CEP72: variants seen among roughly 807,000 people sequenced by gnomAD.
CEP72 encodes centrosomal protein 72.
A neutral mutation model predicts 65.7 loss-of-function variants in CEP72; 78 were observed. That is an observed-to-expected ratio of 1.19 (90% CI 0.99 to 1.43). The LOEUF (loss-of-function observed/expected upper bound fraction) is 1.43, where lower values mean the gene tolerates loss of function less well. Ranked by LOEUF, CEP72 falls within the 40% of genes most tolerant of loss-of-function variation. The pLI is 0.00. For missense variants in CEP72, 914 were observed against 832.9 expected (o/e 1.10, Z -1.20); for synonymous variants, 358 against 351.7 (o/e 1.02, Z -0.20).
At position 627,929 on chromosome 5, in the gene CEP72, G is replaced by A. The variant is rs117608193; in HGVS notation, c.512+3350G>A. The stretch of plus-strand genomic sequence containing the variant: ...TCCCCCGCCATTCACGCTGCTGACC[G>A]TGACCAGCGGCAACGTGTGGATGCA... On this transcript the variant is annotated intron_variant, in intron 4 of 11. Transcript: ENST00000264935. Among the ~76,000 whole-genome samples, 887 of 152,348 alleles carry A rather than the reference G, an allele frequency of 5.8e-3. 30 individuals are homozygous for A. The highest frequency in any genetic ancestry group is 0.05 in the Admixed American group (772 of 15,304).
intron 7 of CEP72, 125 bp downstream of exon 7, chr5:637,943 G>A: frequency 2.1e-6 from 2 of 946,752 alleles, no homozygotes; most frequent in Non-Finnish European, 3.1e-6. Context: ...ATGCAGGGCT[G>A]TTACGGCGGT....
At chr5:618,862 T>A (rs1736164509) in intron 1 of CEP72, 128 bp from the exon 2 acceptor site, 2 of 744,578 alleles carry the variant, frequency 2.7e-6, no homozygotes, top group Non-Finnish European at 4.3e-6. Flanking sequence ...TTCAGGAGCC[T>A]GAGTAAAGTT....
chr5:627,876 C>G lies in CEP72; in HGVS notation c.512+3297C>G, dbSNP rs563296212. ...GTAAAAGTCACAAACATCACAGAAACTGATGAAAAGAAAGGGAGTAAAAGT... is the reference window on the plus strand; with the variant it reads ...GTAAAAGTCACAAACATCACAGAAAGTGATGAAAAGAAAGGGAGTAAAAGT... On this transcript the variant is annotated intron_variant, in intron 4 of 11. Coordinates refer to ENST00000264935, the MANE Select transcript of CEP72 (RefSeq NM_018140.4). 2.0e-5 allele frequency among the ~76,000 whole-genome samples: 3 copies of G among 152,174 alleles called. No individual in the cohort carries two copies. The South Asian group carries it at 6.2e-4, about 32-fold the overall frequency.
chr5:616,023 ATAT>A (rs1318554901), intron 1 of CEP72, among the ~76,000 whole-genome samples: 1 of 152,182 alleles, frequency 6.6e-6, no homozygotes, highest in African/African-American at 2.4e-5. Flanking sequence ...AACCGTATTA[ATAT>A]TATGATTTTT....
At chr5:618,962 T>G in intron 1 of CEP72, 28 bp from the exon 2 acceptor site, 2 of 1,562,134 alleles carry the variant, frequency 1.3e-6, no homozygotes, top group Non-Finnish European at 1.8e-6. Flanking sequence ...AATAAAAGAT[T>G]AAAATCTTAC....
At chr5:665,417 C>A (rs1739855242) in intron 3 of CEP72, 2 of 913,372 alleles carry the variant, frequency 2.2e-6, no homozygotes, top group Admixed American at 2.8e-5. Context: ...GGGCATAAAC[C>A]CTGGGATTTA....
chr5:674,225 C>T, the CEP72 span, among the ~76,000 whole-genome samples: 17 of 152,346 alleles, frequency 1.1e-4, no homozygotes, highest in East Asian at 2.5e-3. Flanking sequence ...GCACAGAGGG[C>T]ACCCAGGGAC....
chr5:622,736 C>T (rs1031818975), intron 3 of CEP72, among the ~76,000 whole-genome samples: 10 of 150,800 alleles, frequency 6.6e-5, no homozygotes, highest in South Asian at 2.1e-4. Context: ...GGGATGGGGC[C>T]GTGGACATTA....
chr5:651,337 GT>G (rs1209946020), intron 11 of CEP72, among the ~76,000 whole-genome samples: 1 of 150,384 alleles, frequency 6.6e-6, no homozygotes, highest in African/African-American at 2.5e-5. Context: ...ACTGTGAGGT[GT>G]GACTGTGAGG....
downstream of CEP72, among the ~76,000 whole-genome samples, chr5:669,461 G>C (rs906895226): frequency 9.9e-5 from 15 of 152,266 alleles, no homozygotes; most frequent in Middle Eastern, 3.4e-3. Flanking sequence ...TGGGCCCTGT[G>C]GGGGTGTTGA....
chr5:635,632 C>A (rs780489816), intron 6 of CEP72, 48 bp downstream of exon 6: 1 of 1,382,240 alleles, frequency 7.2e-7, no homozygotes, highest in Non-Finnish European at 1.0e-6. Flanking sequence ...AACAGAAAAC[C>A]ACAGACTGAG....
chr5:618,780 T>TA (rs1423309167), intron 1 of CEP72, among the ~76,000 whole-genome samples: 2 of 152,064 alleles, frequency 1.3e-5, no homozygotes, highest in African/African-American at 4.8e-5. Context: ...CCTGAGCAGA[T>TA]ACTGAGGGTG....
the CEP72 span, among the ~76,000 whole-genome samples, chr5:673,415 G>A: frequency 6.6e-6 from 1 of 152,152 alleles, no homozygotes; most frequent in African/African-American, 2.4e-5. Context: ...GGTGGGGGCA[G>A]CCCTGGGGGG....
At chr5:649,939 GACTGTGAGGCGT>G (rs1561063888) in intron 11 of CEP72, among the ~76,000 whole-genome samples, 2 of 94,076 alleles carry the variant, frequency 2.1e-5, no homozygotes, top group Non-Finnish European at 4.1e-5. Flanking sequence ...TGTGAGGCGT[GACTGTGAGGCGT>G]GACTGTGAGG....
chr5:650,504 CTG>C (rs1359046794), intron 11 of CEP72, among the ~76,000 whole-genome samples: 9 of 72,302 alleles, frequency 1.2e-4, no homozygotes, highest in Non-Finnish European at 1.5e-4. Context: ...TGAGGTGTGA[CTG>C]TGAGGTGTGA....
At chr5:674,630 C>G in the CEP72 span, among the ~76,000 whole-genome samples, 2 of 152,112 alleles carry the variant, frequency 1.3e-5, no homozygotes, top group East Asian at 3.9e-4. Context: ...GGTGACCCAC[C>G]AGAGCGGCCC....
chr5:667,756 G>T (rs1362300919), downstream of CEP72, among the ~76,000 whole-genome samples: 1 of 152,208 alleles, frequency 6.6e-6, no homozygotes, highest in Non-Finnish European at 1.5e-5. Flanking sequence ...GACACCACCA[G>T]AGAAGACACG....
chr5:633,734 T>C (rs376494114), intron 4 of CEP72, 35 bp from the exon 5 acceptor site: 10 of 1,606,042 alleles, frequency 6.2e-6, no homozygotes. Flanking sequence ...TATGGCTGGC[T>C]TGAGTGATGC....
At chr5:674,026 A>G in the CEP72 span, among the ~76,000 whole-genome samples, 19,079 of 152,258 alleles carry the variant, frequency 0.13, 1,528 homozygotes, top group South Asian at 0.19. Context: ...CACAGCCGGC[A>G]CTGCACTTGG....
Sources: gnomAD v4.1 joint callset for allele counts (sites outside exome capture counted in the v4.1 genomes callset) on GRCh38, gnomAD v4.1.1 for gene constraint, MANE v1.5 for transcripts, NCBI Gene and HGNC (gene_info 2026-07-23, HGNC 2026-07-21) for gene names.